The following PLEKHD1 variants were observed in gnomAD, a reference collection of about 807,000 sequenced individuals.
PLEKHD1 encodes the protein pleckstrin homology domain-containing family D member 1.
PLEKHD1 carries 51 observed loss-of-function variants against 69.2 expected under a neutral mutation model. The observed-to-expected ratio is 0.74, with a 90% CI of 0.59 to 0.93. The LOEUF is 0.93. Ranked by LOEUF, PLEKHD1 falls within the 40% of genes least tolerant of loss-of-function variation. The pLI, the probability that PLEKHD1 is intolerant of heterozygous loss-of-function variation, is 0.00. For missense variants in PLEKHD1, 584 were observed against 641.0 expected, an observed-to-expected ratio of 0.91 and a Z score of 0.96; for synonymous variants, 236 against 244.7, an observed-to-expected ratio of 0.96 and a Z score of 0.33.
intron 6 of PLEKHD1, among the ~76,000 whole-genome samples, chr14:69,517,676 C>T (rs932958796): frequency 6.6e-6 from 1 of 152,310 alleles, no homozygotes; most frequent in East Asian, 1.9e-4. Context: ...CACTGTCACT[C>T]TGGGCCCAAC....
chr14:69,476,091 C>G, the PLEKHD1 span, among the ~76,000 whole-genome samples: 1 of 151,900 alleles, frequency 6.6e-6, no homozygotes, highest in Non-Finnish European at 1.5e-5. Context: ...AATCCTGTCT[C>G]TACTAAAAAT....
rs376946806 is a variant in PLEKHD1, at chr14:69,497,354, G to A, written c.150-2761G>A. On this transcript the variant is annotated intron_variant, in intron 1 of 12. Transcript: ENST00000322564. Reference sequence around the variant, plus strand: ...ATGAAATTCCCTTGGAACAGCCAGGGGACACCTACCTGGGCCCATGGGACT... The same window carrying A: ...ATGAAATTCCCTTGGAACAGCCAGGAGACACCTACCTGGGCCCATGGGACT... Among the ~76,000 whole-genome samples the A allele has an allele frequency of 2.6e-5, 4 of 152,236 alleles. No individual in the cohort carries two copies. The East Asian group carries it at 7.7e-4, about 29-fold the overall frequency.
At chr14:69,471,048 C>A in the PLEKHD1 span, among the ~76,000 whole-genome samples, 33 of 148,742 alleles carry the variant, frequency 2.2e-4, no homozygotes, top group Non-Finnish European at 4.3e-4. Context: ...GCCTCGGCCT[C>A]CCAAAGGCCT....
At chr14:69,495,242 T>C (rs1273326187) in intron 1 of PLEKHD1, among the ~76,000 whole-genome samples, 1 of 152,204 alleles carries the variant, frequency 6.6e-6, no homozygotes, top group East Asian at 1.9e-4. Flanking sequence ...GGACTTTACA[T>C]GCCTCCATCC....
At chr14:69,508,130 C>T (rs879780221) in intron 6 of PLEKHD1, among the ~76,000 whole-genome samples, 8 of 151,912 alleles carry the variant, frequency 5.3e-5, no homozygotes, top group South Asian at 2.1e-4. Context: ...TTTTTTAGGC[C>T]GGGCGTGGTG....
At chr14:69,519,319 C>T (rs1883456504) in intron 6 of PLEKHD1, among the ~76,000 whole-genome samples, 1 of 152,002 alleles carries the variant, frequency 6.6e-6, no homozygotes, top group South Asian at 2.1e-4. Context: ...GCCAGTCAAG[C>T]AAAGCTTGGA....
intron 6 of PLEKHD1, among the ~76,000 whole-genome samples, chr14:69,516,000 G>T (rs1343646138): frequency 6.6e-6 from 1 of 152,184 alleles, no homozygotes; most frequent in Admixed American, 6.5e-5. Flanking sequence ...TTTTCAGTTT[G>T]TTTGGTTTTT....
At chr14:69,512,647 A>C (rs1195491499) in intron 6 of PLEKHD1, among the ~76,000 whole-genome samples, 2 of 152,168 alleles carry the variant, frequency 1.3e-5, no homozygotes, top group Admixed American at 1.3e-4. Flanking sequence ...CACATGTGTT[A>C]TTTAGAAATG....
At chr14:69,481,851 C>A (rs1882546895), upstream of PLEKHD1, among the ~76,000 whole-genome samples, 1 of 152,154 alleles carries the variant, frequency 6.6e-6, no homozygotes, top group African/African-American at 2.4e-5. Flanking sequence ...TACTTCCTGG[C>A]AAGATTGGGC....
chr14:69,523,361 A>G (rs918437355), intron 7 of PLEKHD1, among the ~76,000 whole-genome samples: 6 of 152,156 alleles, frequency 3.9e-5, no homozygotes, highest in African/African-American at 9.7e-5. Context: ...ATCACCACAC[A>G]TGATCAGTGA....
At chr14:69,486,444 T>C (rs1594971384) in intron 1 of PLEKHD1, among the ~76,000 whole-genome samples, 1 of 152,106 alleles carries the variant, frequency 6.6e-6, no homozygotes, top group African/African-American at 2.4e-5. Flanking sequence ...ACCCCCTAAA[T>C]GAAGGCTTGG....
In PLEKHD1 at chr14:69,527,861, A is replaced by G; in HGVS notation, c.1280A>G (p.His427Arg). The change falls in exon 12 of 13, where the codon CAT becomes CGT. Residue 427 changes from histidine to arginine, a missense_variant. Coordinates refer to ENST00000322564, the MANE Select transcript of PLEKHD1 (RefSeq NM_001161498.2). Reference sequence around the variant, plus strand: ...ATCATGAAGAACTCCGTGTACATCCATAAGGCAGCCACTCGCCGCATCAAG... The same window carrying G: ...ATCATGAAGAACTCCGTGTACATCCGTAAGGCAGCCACTCGCCGCATCAAG... ...PVIMKNSVYI[H>R]KAATRRIKSC... The G allele has an allele frequency of 6.4e-7, 1 of 1,551,482 alleles. No homozygotes were observed. Among genetic ancestry groups the G allele is most frequent in the South Asian group, 1.2e-5 (1 of 84,060 alleles).
At chr14:69,481,780 T>C (rs576869378), upstream of PLEKHD1, among the ~76,000 whole-genome samples, 39 of 152,358 alleles carry the variant, frequency 2.6e-4, no homozygotes, top group African/African-American at 8.9e-4. Flanking sequence ...ACATCAGCTC[T>C]GTGTCTGAGC....
At chr14:69,493,396 C>A (rs1882819139) in intron 1 of PLEKHD1, among the ~76,000 whole-genome samples, 1 of 152,212 alleles carries the variant, frequency 6.6e-6, no homozygotes, top group South Asian at 2.1e-4. Flanking sequence ...GTCGCTTAAT[C>A]TCTATGCCTC....
chr14:69,502,801 G>C, intron 5 of PLEKHD1, 26 bp from the exon 6 acceptor site: 3 of 1,516,298 alleles, frequency 2.0e-6, no homozygotes, highest in Non-Finnish European at 2.7e-6. Context: ...GTGTGTGCAT[G>C]TGTGTGTGTG....
At chr14:69,501,692 C>G (rs1310217581) in intron 4 of PLEKHD1, 42 bp from the exon 5 acceptor site, 1 of 1,432,412 alleles carries the variant, frequency 7.0e-7, no homozygotes, top group Admixed American at 2.2e-5. Context: ...TTTTCTGTTT[C>G]TTCCTCTTCT....
intron 8 of PLEKHD1, among the ~76,000 whole-genome samples, chr14:69,524,975 A>G (rs1883609683): frequency 6.6e-6 from 1 of 151,852 alleles, no homozygotes; most frequent in Non-Finnish European, 1.5e-5. Context: ...CTTTTCCCAC[A>G]CTGTTCCTTC....
the PLEKHD1 span, among the ~76,000 whole-genome samples, chr14:69,471,584 T>C: frequency 2.0e-5 from 3 of 152,138 alleles, no homozygotes; most frequent in Admixed American, 6.5e-5. Context: ...AAGGACAAAC[T>C]GTACTACCTT....
At chr14:69,508,665 G>A (rs934793949) in intron 6 of PLEKHD1, among the ~76,000 whole-genome samples, 21 of 152,292 alleles carry the variant, frequency 1.4e-4, no homozygotes, top group Admixed American at 1.1e-3. Flanking sequence ...GACAAGAGAC[G>A]AAAGAGTATA....
Sources: gnomAD v4.1 joint callset for allele counts (sites outside exome capture counted in the v4.1 genomes callset) on GRCh38, gnomAD v4.1.1 for gene constraint, MANE v1.5 for transcripts, NCBI Gene and HGNC (gene_info 2026-07-23, HGNC 2026-07-21) for gene names.